The following ASIC2 variants were observed in gnomAD, a reference collection of about 807,000 sequenced individuals.
The protein encoded by ASIC2 is acid sensing ion channel subunit 2.
In ASIC2, 25 loss-of-function variants were observed where a neutral mutation model predicts 57.3. The observed-to-expected ratio is 0.44, with a 90% CI of 0.32 to 0.61. The LOEUF (loss-of-function observed/expected upper bound fraction) is 0.61. ASIC2 is among the 20% of genes least tolerant of loss of function. The probability of loss-of-function intolerance (pLI) is 0.06; values close to 1 mark genes in which losing one functional copy is unlikely to be tolerated. For missense variants in ASIC2, 641 were observed against 738.1 expected, an observed-to-expected ratio of 0.87 and a Z score of 1.52; for synonymous variants, 319 against 307.5, an observed-to-expected ratio of 1.04 and a Z score of -0.39.
At chr17:33,371,924 G>A (rs975671219) in intron 1 of ASIC2, among the ~76,000 whole-genome samples, 10 of 152,106 alleles carry the variant, frequency 6.6e-5, no homozygotes, top group African/African-American at 2.4e-4. Context: ...AGGAGCAGAC[G>A]GTGAGGACAG....
At chr17:33,776,674 G>T (rs1238496129) in intron 1 of ASIC2, among the ~76,000 whole-genome samples, 1 of 152,116 alleles carries the variant, frequency 6.6e-6, no homozygotes, top group African/African-American at 2.4e-5. Context: ...AAGGCCGGGG[G>T]GTCCAGTGTG....
At chr17:34,035,079 T>C (rs1382377627) in intron 1 of ASIC2, among the ~76,000 whole-genome samples, 3 of 150,806 alleles carry the variant, frequency 2.0e-5, no homozygotes, top group East Asian at 3.9e-4. Flanking sequence ...AAAAGAAAGC[T>C]GGAGGCATCA....
Position 33,882,466 on chromosome 17 carries a change from T to C in ASIC2, c.555+273512A>G, listed in dbSNP as rs1337404581. 2.0e-5 allele frequency among the ~76,000 whole-genome samples: 3 copies of C among 152,288 alleles called. 1 individual carries two copies. The highest frequency in any genetic ancestry group is 6.8e-3 in the Middle Eastern group (2 of 294). On this transcript the variant is annotated intron_variant, in intron 1 of 9. Transcript: ENST00000359872. Reference sequence around the variant, plus strand: ...GTGGGCGAAGGATATGAACAGACACTTCTCAAAAGAAGACATTTATGCAGC... The same window carrying C: ...GTGGGCGAAGGATATGAACAGACACCTCTCAAAAGAAGACATTTATGCAGC...
intron 1 of ASIC2, among the ~76,000 whole-genome samples, chr17:33,841,081 C>A (rs968466756): frequency 5.3e-5 from 8 of 152,164 alleles, no homozygotes; most frequent in African/African-American, 1.7e-4. Flanking sequence ...CTGTGAGACA[C>A]AATCCTTTTC....
intron 1 of ASIC2, among the ~76,000 whole-genome samples, chr17:33,375,613 G>A (rs539978680): frequency 4.5e-4 from 68 of 152,254 alleles, no homozygotes; most frequent in African/African-American, 1.4e-3. Context: ...ACTGACTACC[G>A]GGACTGCAAG....
Position 33,592,439 on chromosome 17 carries a change from G to A in ASIC2, c.556-480372C>T, listed in dbSNP as rs149866680. On this transcript the variant is annotated intron_variant, in intron 1 of 9. Transcript: ENST00000359872. ...TTGGAGATGGCTGGGTCAGGCACAAGCCTGAAGTGAGGGAAGCTTAGAGGG... is the reference window on the plus strand; with the variant it reads ...TTGGAGATGGCTGGGTCAGGCACAAACCTGAAGTGAGGGAAGCTTAGAGGG... Among the ~76,000 whole-genome samples the A allele has an allele frequency of 2.0e-5, 3 of 152,364 alleles. No individual in the cohort carries two copies. The East Asian group carries it at 5.8e-4, about 29-fold the overall frequency.
chr17:34,133,537 C>T (rs1051104960), intron 1 of ASIC2, among the ~76,000 whole-genome samples: 9 of 152,234 alleles, frequency 5.9e-5, no homozygotes, highest in Admixed American at 3.9e-4. Context: ...GACATTCACA[C>T]GCATGGCCAC....
At chr17:33,621,550 G>C (rs1258354392) in intron 1 of ASIC2, among the ~76,000 whole-genome samples, 1 of 152,196 alleles carries the variant, frequency 6.6e-6, no homozygotes, top group Non-Finnish European at 1.5e-5. Context: ...GTGTAGGTGA[G>C]ATTGACTCCT....
chr17:33,119,490 C>G (rs531422318), intron 1 of ASIC2, among the ~76,000 whole-genome samples: 1 of 152,186 alleles, frequency 6.6e-6, no homozygotes, highest in African/African-American at 2.4e-5. Flanking sequence ...TTCCAGTAAA[C>G]AAAATGAACC....
At chr17:33,523,945 C>A (rs563140928) in intron 1 of ASIC2, among the ~76,000 whole-genome samples, 2 of 152,208 alleles carry the variant, frequency 1.3e-5, no homozygotes, top group African/African-American at 4.8e-5. Context: ...TTGATCTAAT[C>A]TTGCTCTAAA....
intron 1 of ASIC2, among the ~76,000 whole-genome samples, chr17:33,777,576 T>A (rs1226698327): frequency 6.6e-6 from 1 of 151,666 alleles, no homozygotes; most frequent in East Asian, 1.9e-4. Context: ...CAAGCAAAAG[T>A]CATGTGGGAA....
At chr17:33,290,991 C>G in intron 1 of ASIC2, 4 of 142,484 alleles carry the variant, frequency 2.8e-5, no homozygotes, top group African/African-American at 2.8e-5. Flanking sequence ...TAAGAGCCGT[C>G]TATTGGTTTT....
chr17:33,343,560 G>GT (rs1248330517), intron 1 of ASIC2, among the ~76,000 whole-genome samples: 1 of 152,150 alleles, frequency 6.6e-6, no homozygotes, highest in Non-Finnish European at 1.5e-5. Flanking sequence ...TCTACGGCTT[G>GT]TTTTTTCCTA....
intron 1 of ASIC2, among the ~76,000 whole-genome samples, chr17:33,656,605 A>G (rs1435064901): frequency 1.3e-5 from 2 of 152,214 alleles, no homozygotes; most frequent in East Asian, 3.9e-4. Flanking sequence ...CATCAGGAAT[A>G]TGCTCTCTAT....
intron 1 of ASIC2, among the ~76,000 whole-genome samples, chr17:33,619,622 T>G (rs1343751742): frequency 6.6e-6 from 1 of 152,040 alleles, no homozygotes; most frequent in Non-Finnish European, 1.5e-5. Flanking sequence ...GAAAATAGAG[T>G]CAATCATTAG....
intron 1 of ASIC2, among the ~76,000 whole-genome samples, chr17:33,382,274 GAC>G (rs1395730993): frequency 6.6e-6 from 1 of 152,198 alleles, no homozygotes; most frequent in Non-Finnish European, 1.5e-5. Flanking sequence ...GATGCAAACA[GAC>G]ACAGATTAAA....
chr17:33,307,587 G>A lies in ASIC2; in HGVS notation c.556-195520C>T, dbSNP rs370175379. On this transcript the variant is annotated intron_variant, in intron 1 of 9. Transcript: ENST00000359872. The stretch of plus-strand genomic sequence containing the variant: ...AGCCTCCCAAAGTGCTGGGATTACA[G>A]GCATAAGCCAGCACACCCGACCTTC... Among the ~76,000 whole-genome samples the A allele has an allele frequency of 1.5e-3, 227 of 152,310 alleles. 1 individual carries two copies. Among genetic ancestry groups the A allele is most frequent in the African/African-American group, 5.1e-3 (213 of 41,578 alleles).
chr17:33,015,528 G>A (rs2091801183), intron 9 of ASIC2, among the ~76,000 whole-genome samples: 1 of 152,318 alleles, frequency 6.6e-6, no homozygotes, highest in Non-Finnish European at 1.5e-5. Flanking sequence ...GCTATAATGG[G>A]CACTATTGCT....
At chr17:33,466,988 A>G (rs1912887077) in intron 1 of ASIC2, among the ~76,000 whole-genome samples, 1 of 152,252 alleles carries the variant, frequency 6.6e-6, no homozygotes, top group South Asian at 2.1e-4. Flanking sequence ...TCCAAAATAG[A>G]CAAATGGGAT....
Sources: allele counts gnomAD v4.1 joint callset (sites outside exome capture counted in the v4.1 genomes callset), GRCh38; gene constraint gnomAD v4.1.1; transcripts MANE v1.5; gene names NCBI Gene and HGNC (gene_info 2026-07-23, HGNC 2026-07-21).